RSF1: variants seen among roughly 807,000 people sequenced by gnomAD.
The protein encoded by RSF1 is remodeling and spacing factor 1.
RSF1 carries 13 observed loss-of-function variants against 145.2 expected under a neutral mutation model. The observed-to-expected ratio is 0.09, with a 90% CI of 0.06 to 0.14. The LOEUF (loss-of-function observed/expected upper bound fraction) is 0.14. Among genes scored for constraint, RSF1 ranks in the 10% least tolerant of loss-of-function variants. The pLI, the probability that RSF1 is intolerant of heterozygous loss-of-function variation, is 1.00. For missense variants in RSF1, 1,517 were observed against 1,718.2 expected (o/e 0.88, Z 2.07); for synonymous variants, 577 against 592.6 (o/e 0.97, Z 0.38).
chr11:77,805,579 G>C (rs143827497), intron 1 of RSF1, among the ~76,000 whole-genome samples: 183 of 152,120 alleles, frequency 1.2e-3, no homozygotes, highest in African/African-American at 4.2e-3. Context: ...ACATAAATAA[G>C]GCACTCTAAA....
In RSF1 at chr11:77,678,193, CTTTTTTT is replaced by C. The variant is rs5792773; in HGVS notation, c.3066-47_3066-41del. The stretch of plus-strand genomic sequence containing the variant: ...ATGATCACATTATAGCCTGTCCTGG[CTTTTTTT>C]TTTTTTTTTTTAATTATTTTTATTT... On this transcript the variant is annotated intron_variant, in intron 11 of 15. Coordinates refer to ENST00000308488, the MANE Select transcript of RSF1 (RefSeq NM_016578.4). 2.8e-4 allele frequency: 174 copies of C among 617,186 alleles called. No individual in the cohort carries two copies. In the African/African-American group the frequency reaches 3.4e-3, roughly 12 times the overall value. 38.2% of individuals were successfully genotyped at this position (617,186 alleles called of 1,614,324 possible). A position where few individuals can be genotyped will look rare whatever the true frequency, so the allele number is the denominator to read the frequency against.
rs757275218 is a variant in RSF1 at position 77,764,724 on chromosome 11, A to C, written c.188-35T>G. On this transcript the variant is annotated intron_variant, in intron 1 of 15. Coordinates refer to ENST00000308488, the MANE Select transcript of RSF1 (RefSeq NM_016578.4). ...AAGAAAAAAAATATCATTAGCCAACAAAATAAAACAATTCTAAACATTTAA... is the reference window on the plus strand; with the variant it reads ...AAGAAAAAAAATATCATTAGCCAACCAAATAAAACAATTCTAAACATTTAA... The C allele has an allele frequency of 3.4e-6, 4 of 1,193,962 alleles. No homozygotes were observed. In the South Asian group the frequency reaches 5.2e-5, roughly 16 times the overall value. The allele number at this position is 1,193,962 out of a possible 1,614,324, so 74.0% of individuals were successfully genotyped here.
chr11:77,788,296 T>A (rs1948481163), intron 1 of RSF1, among the ~76,000 whole-genome samples: 1 of 148,138 alleles, frequency 6.8e-6, no homozygotes, highest in South Asian at 2.1e-4. Flanking sequence ...CAGAAATTAC[T>A]GGTAATAGAA....
chr11:77,704,061 AGTTGGGTGGATCG>A, intron 5 of RSF1, among the ~76,000 whole-genome samples: 1 of 152,234 alleles, frequency 6.6e-6, no homozygotes, highest in South Asian at 2.1e-4. Flanking sequence ...TGGGAGGCCA[AGTTGGGTGGATCG>A]CTTGAGCTCA....
intron 9 of RSF1, among the ~76,000 whole-genome samples, chr11:77,687,106 ATATT>A (rs1186387598): frequency 6.6e-6 from 1 of 152,220 alleles, no homozygotes; most frequent in Non-Finnish European, 1.5e-5. Context: ...TTTACAGCTA[ATATT>A]TATTTTAGAA....
At chr11:77,710,195 T>C (rs1341783012) in intron 5 of RSF1, among the ~76,000 whole-genome samples, 2 of 152,176 alleles carry the variant, frequency 1.3e-5, no homozygotes, top group African/African-American at 4.8e-5. Flanking sequence ...ATTGTATATA[T>C]GGCACACAAA....
intron 1 of RSF1, among the ~76,000 whole-genome samples, chr11:77,786,217 C>T (rs1336437202): frequency 6.6e-6 from 1 of 151,968 alleles, no homozygotes; most frequent in Non-Finnish European, 1.5e-5. Context: ...ATCATGCTTC[C>T]CATTAATTTA....
intron 2 of RSF1, among the ~76,000 whole-genome samples, chr11:77,760,997 G>C (rs560827717): frequency 6.6e-6 from 1 of 151,668 alleles, no homozygotes; most frequent in South Asian, 2.1e-4. Flanking sequence ...CCGCGATCTC[G>C]GCTCACTGCA....
At chr11:77,687,542 G>GC (rs1960042610) in intron 9 of RSF1, among the ~76,000 whole-genome samples, 1 of 151,806 alleles carries the variant, frequency 6.6e-6, no homozygotes, top group African/African-American at 2.4e-5. Flanking sequence ...CCCATCTGTA[G>GC]TAAAAAATAC....
the RSF1 span, among the ~76,000 whole-genome samples, chr11:77,840,054 G>A: frequency 6.6e-6 from 1 of 151,604 alleles, no homozygotes; most frequent in Non-Finnish European, 1.5e-5. Context: ...TTGATAGCAT[G>A]TTATCATTTC....
chr11:77,671,553 C>T (rs1010228374), intron 15 of RSF1, among the ~76,000 whole-genome samples: 1 of 151,506 alleles, frequency 6.6e-6, no homozygotes, highest in African/African-American at 2.4e-5. Context: ...AAAAATTAGC[C>T]TCTTATCGAG....
At chr11:77,837,851 T>G in the RSF1 span, among the ~76,000 whole-genome samples, 1 of 152,146 alleles carries the variant, frequency 6.6e-6, no homozygotes, top group African/African-American at 2.4e-5. Flanking sequence ...GCCCAGGATT[T>G]GGAGACCAAC....
chr11:77,701,402 T>G lies in RSF1; in HGVS notation c.1827A>C (p.Glu609Asp), dbSNP rs1367840968. The G allele has an allele frequency of 1.2e-6, 2 of 1,613,908 alleles. No homozygotes were observed. The highest frequency in any genetic ancestry group is 2.7e-5 in the African/African-American group (2 of 74,904). Reference sequence around the variant, plus strand: ...CTGACTCTAGAGTACTCTTTGGAACTTCTTCTGGTATTGGACTCAATCTTT... The same window carrying G: ...CTGACTCTAGAGTACTCTTTGGAACGTCTTCTGGTATTGGACTCAATCTTT... ...DAQRLSPIPE[E>D]VPKSTLESEK... Residue 609 changes from glutamate to aspartate, a missense_variant, in exon 6 of 16, where the codon GAA (glutamate) becomes GAC (aspartate). Glu to Asp is a conservative substitution (Grantham distance 45). Around this residue, in one of 12 missense-constraint regions of RSF1, gnomAD observed 579 missense variants for 553.5 expected, o/e 1.05. Coordinates refer to ENST00000308488, the MANE Select transcript of RSF1 (RefSeq NM_016578.4).
upstream of RSF1, among the ~76,000 whole-genome samples, chr11:77,823,721 C>T (rs1345348512): frequency 6.6e-6 from 1 of 150,440 alleles, no homozygotes; most frequent in Non-Finnish European, 1.5e-5. Context: ...GGTTACTTAA[C>T]TGACCTTAAA....
At chr11:77,731,853 G>A (rs1590855664) in intron 4 of RSF1, among the ~76,000 whole-genome samples, 1 of 152,272 alleles carries the variant, frequency 6.6e-6, no homozygotes, top group Admixed American at 6.5e-5. Context: ...TGCCCAGGCA[G>A]AAGTTTCCTG....
In RSF1 at chr11:77,698,605, C is replaced by T. The variant is rs1368716269; in HGVS notation, c.2597G>A (p.Gly866Asp). ...TGAAGCTGCAGATGATTTTTCACTG[C>T]CAGACCCTTCACTTTCATCATTGCT... Reference protein sequence around the residue: ...YSSNDESEGSGSEKSSAASEE... With the variant: ...YSSNDESEGSDSEKSSAASEE... The change falls in exon 7 of 16, where the codon GGC (glycine) becomes GAC (aspartate). Residue 866 changes from glycine (G) to aspartate (D), a missense_variant. Gly to Asp is a moderately conservative substitution (Grantham distance 94). Coordinates refer to ENST00000308488, the MANE Select transcript of RSF1 (RefSeq NM_016578.4). 1 of 1,614,122 alleles carries T rather than the reference C, an allele frequency of 6.2e-7. No individual in the cohort carries two copies. The highest frequency in any genetic ancestry group is 2.2e-5 in the East Asian group (1 of 44,870).
At chr11:77,747,474 AT>A (rs1196125529) in intron 2 of RSF1, among the ~76,000 whole-genome samples, 1 of 152,204 alleles carries the variant, frequency 6.6e-6, no homozygotes, top group Non-Finnish European at 1.5e-5. Flanking sequence ...ACAAAAATTT[AT>A]TCATCTTTTT....
intron 12 of RSF1, among the ~76,000 whole-genome samples, 156 bp downstream of exon 12, chr11:77,677,930 C>T (rs1369055371): frequency 6.6e-6 from 1 of 152,096 alleles, no homozygotes; most frequent in Non-Finnish European, 1.5e-5. Flanking sequence ...ACATTGTATC[C>T]ACAAATTACT....
intron 5 of RSF1, among the ~76,000 whole-genome samples, chr11:77,708,865 A>T (rs1247743527): frequency 6.6e-6 from 1 of 152,222 alleles, no homozygotes; most frequent in Non-Finnish European, 1.5e-5. Flanking sequence ...GAAACAGACC[A>T]GCAAACTTTC....
Sources: gnomAD v4.1 joint callset for allele counts (sites outside exome capture counted in the v4.1 genomes callset) on GRCh38, gnomAD v4.1.1 for gene constraint, gnomAD v4.1.1 regional missense constraint, MANE v1.5 for transcripts, NCBI Gene and HGNC (gene_info 2026-07-23, HGNC 2026-07-21) for gene names.